The following COL4A2 variants were observed in gnomAD, a reference collection of about 807,000 sequenced individuals.
COL4A2 encodes collagen alpha-2(IV) chain.
Under a neutral mutation model 200.2 loss-of-function variants are expected in COL4A2, and 99 were observed. The observed-to-expected ratio is 0.49, with a 90% CI of 0.42 to 0.58. The LOEUF (loss-of-function observed/expected upper bound fraction) is 0.58, where lower values mean the gene tolerates loss of function less well. COL4A2 is among the 20% of genes least tolerant of loss of function. The probability of loss-of-function intolerance (pLI) is 0.00; values close to 1 mark genes in which losing one functional copy is unlikely to be tolerated. For missense variants in COL4A2, 1,950 were observed against 2,314.1 expected (o/e 0.84, Z 3.23); for synonymous variants, 897 against 900.6 (o/e 1.00, Z 0.07).
chr13:110,335,311 C>T (rs575561729), intron 3 of COL4A2, among the ~76,000 whole-genome samples: 90 of 152,248 alleles, frequency 5.9e-4, no homozygotes, highest in Non-Finnish European at 9.0e-4. Context: ...TTGTAGCTCC[C>T]ATAATTCCCA....
chr13:110,489,663 G>A (rs1231531574), intron 35 of COL4A2, 48 bp from the exon 36 acceptor site: 4 of 1,611,580 alleles, frequency 2.5e-6, no homozygotes, highest in Non-Finnish European at 3.4e-6. Flanking sequence ...AACTCACAAA[G>A]TCCCAGTGGA....
intron 3 of COL4A2, among the ~76,000 whole-genome samples, chr13:110,354,978 C>T (rs529438083): frequency 1.1e-4 from 16 of 152,304 alleles, no homozygotes; most frequent in East Asian, 3.9e-4. Context: ...CCAGCAGACC[C>T]GCTATCACAA....
chr13:110,327,128 C>T (rs564733200), intron 3 of COL4A2, among the ~76,000 whole-genome samples: 5 of 152,150 alleles, frequency 3.3e-5, no homozygotes, highest in Non-Finnish European at 7.4e-5. Context: ...ACACACCCCT[C>T]CTGCTCCAAC....
chr13:110,401,319 A>T (rs1879362374), intron 4 of COL4A2, among the ~76,000 whole-genome samples: 1 of 152,216 alleles, frequency 6.6e-6, no homozygotes, highest in African/African-American at 2.4e-5. Context: ...TTTTAGTACC[A>T]TCTGTATCTT....
chr13:110,477,325 A>G lies in COL4A2; in HGVS notation c.2426-678A>G, dbSNP rs187972610. On this transcript the variant is annotated intron_variant, in intron 29 of 47. Coordinates refer to ENST00000360467, the MANE Select transcript of COL4A2 (RefSeq NM_001846.4). ...CGACACCACGTTTCACTGCATCATG[A>G]CTGCCAGGGTTCCATTTTGCTTCAG... is the stretch of plus-strand genomic sequence containing the variant. Among the ~76,000 whole-genome samples, 1,105 of 152,372 alleles carry G rather than the reference A, an allele frequency of 7.3e-3. 8 individuals are homozygous for G. Among genetic ancestry groups the G allele is most frequent in the Non-Finnish European group, 9.4e-3 (641 of 68,028 alleles).
At chr13:110,399,676 C>G (rs1351932249) in intron 4 of COL4A2, among the ~76,000 whole-genome samples, 1 of 152,136 alleles carries the variant, frequency 6.6e-6, no homozygotes, top group African/African-American at 2.4e-5. Context: ...CAAAAATTGT[C>G]TAAATTTGGG....
intron 14 of COL4A2, among the ~76,000 whole-genome samples, chr13:110,438,250 C>G (rs1413201835): frequency 1.3e-5 from 2 of 152,242 alleles, no homozygotes; most frequent in Non-Finnish European, 2.9e-5. Context: ...TAAACACTGG[C>G]TAATCATCTT....
chr13:110,445,788 A>T (rs1446759077), intron 16 of COL4A2, 41 bp from the exon 17 acceptor site: 3 of 1,611,632 alleles, frequency 1.9e-6, no homozygotes, highest in Non-Finnish European at 2.5e-6. Flanking sequence ...TTGGAGTTAT[A>T]CATCAGAGAC....
chr13:110,400,751 G>A (rs1327346648), intron 4 of COL4A2, among the ~76,000 whole-genome samples: 1 of 152,110 alleles, frequency 6.6e-6, no homozygotes, highest in Non-Finnish European at 1.5e-5. Flanking sequence ...TTATAATGAT[G>A]GACCTAGATT....
chr13:110,388,669 G>A (rs1417295365), intron 4 of COL4A2, among the ~76,000 whole-genome samples: 2 of 152,176 alleles, frequency 1.3e-5, no homozygotes, highest in Non-Finnish European at 2.9e-5. Context: ...ACATATACGA[G>A]GGTTTGATTA....
intron 24 of COL4A2, among the ~76,000 whole-genome samples, chr13:110,464,580 G>GAGCTGGA (rs1882157565): frequency 6.6e-6 from 1 of 151,846 alleles, no homozygotes; most frequent in African/African-American, 2.4e-5. Context: ...CTCATAAATA[G>GAGCTGGA]AGCTGGACCG....
intron 34 of COL4A2, 147 bp downstream of exon 34, chr13:110,485,983 C>T: frequency 7.6e-7 from 1 of 1,310,544 alleles, no homozygotes; most frequent in Non-Finnish European, 1.0e-6. Flanking sequence ...TCCACACAGC[C>T]CTGGAAGGAG....
At chr13:110,345,895 C>A (rs1876678463) in intron 3 of COL4A2, among the ~76,000 whole-genome samples, 2 of 152,206 alleles carry the variant, frequency 1.3e-5, no homozygotes, top group South Asian at 4.1e-4. Flanking sequence ...AGGGGGACCA[C>A]CTTCTGCAAG....
At chr13:110,463,546 A>G (rs1275619036) in intron 24 of COL4A2, among the ~76,000 whole-genome samples, 7 of 152,094 alleles carry the variant, frequency 4.6e-5, no homozygotes, top group Admixed American at 3.9e-4. Flanking sequence ...TGTCTTCTCT[A>G]GTTTTAACGT....
rs1414359914 is a variant in COL4A2 at position 110,307,928 on chromosome 13, G to A, written c.25G>A (p.Ala9Thr). The change falls in exon 2 of 48, where the codon GCC becomes ACC. Residue 9 changes from alanine to threonine, a missense_variant. Coordinates refer to ENST00000360467, the MANE Select transcript of COL4A2 (RefSeq NM_001846.4). This position sits in a 1 kb window ranked among gnomAD's most constrained non-coding sequence, Gnocchi z 5.0. ...CATGGGGAGAGACCAGCGCGCGGTG[G>A]CCGGCCCTGCCCTACGGCGGTAAGC... is the stretch of plus-strand genomic sequence containing the variant. MGRDQRAV[A>T]GPALRRWLLL... 3.7e-6 allele frequency: 6 copies of A among 1,612,878 alleles called. No individual in the cohort carries two copies. The East Asian group carries it at 1.3e-4, about 36-fold the overall frequency.
At chr13:110,446,965 C>A in intron 18 of COL4A2, 101 bp downstream of exon 18, 5 of 880,678 alleles carry the variant, frequency 5.7e-6, no homozygotes, top group Non-Finnish European at 6.8e-6. Context: ...TTCTAAGCAA[C>A]CCTAAAACTT....
At chr13:110,310,112 C>G (rs1218584851) in intron 3 of COL4A2, among the ~76,000 whole-genome samples, 1 of 152,238 alleles carries the variant, frequency 6.6e-6, no homozygotes, top group African/African-American at 2.4e-5. Flanking sequence ...GCCAAGTGCC[C>G]TAAGGCAGAT....
chr13:110,427,066 T>C (rs1880495266), intron 6 of COL4A2, among the ~76,000 whole-genome samples: 1 of 152,252 alleles, frequency 6.6e-6, no homozygotes, highest in Non-Finnish European at 1.5e-5. Flanking sequence ...ATAAAAGTTC[T>C]ACTTTTTTAT....
intron 3 of COL4A2, among the ~76,000 whole-genome samples, chr13:110,351,690 C>T (rs1771413013): frequency 6.6e-6 from 1 of 152,204 alleles, no homozygotes; most frequent in Admixed American, 6.5e-5. Flanking sequence ...TTCTTTAATT[C>T]CTCTGCCTTT....
Sources: gnomAD v4.1 joint callset for allele counts (sites outside exome capture counted in the v4.1 genomes callset) on GRCh38, gnomAD v4.1.1 for gene constraint, Gnocchi (gnomAD v3.1) non-coding constraint, MANE v1.5 for transcripts, NCBI Gene and HGNC (gene_info 2026-07-23, HGNC 2026-07-21) for gene names.